ZMIZ1: variants seen among roughly 807,000 people sequenced by gnomAD.
ZMIZ1 encodes the protein zinc finger MIZ-type containing 1, also known as zinc finger MIZ domain-containing protein 1.
A neutral mutation model predicts 113.9 loss-of-function variants in ZMIZ1; 17 were observed. The observed-to-expected ratio is 0.15, with a 90% CI of 0.10 to 0.22. The LOEUF is 0.22. ZMIZ1 is among the 10% of genes least tolerant of loss of function. The pLI is 1.00. For missense variants in ZMIZ1, 1,059 were observed against 1,477.8 expected (o/e 0.72, Z 4.65); for synonymous variants, 607 against 603.1 (o/e 1.01, Z -0.09).
At chr10:79,228,571 C>A (rs922986193) in intron 7 of ZMIZ1, among the ~76,000 whole-genome samples, 3 of 152,270 alleles carry the variant, frequency 2.0e-5, no homozygotes, top group African/African-American at 7.2e-5. Context: ...AAGGCTCAGG[C>A]CAACAGACCC....
chr10:79,290,817 C>A, intron 9 of ZMIZ1, 142 bp from the exon 10 acceptor site: 1 of 942,850 alleles, frequency 1.1e-6, no homozygotes, highest in Non-Finnish European at 1.7e-6. Flanking sequence ...CAGAATAGTT[C>A]ATCCACCCTC....
At chr10:79,190,082 G>A (rs1418176327) in intron 4 of ZMIZ1, among the ~76,000 whole-genome samples, 1 of 152,234 alleles carries the variant, frequency 6.6e-6, no homozygotes, top group Non-Finnish European at 1.5e-5. Context: ...TCCATAGGGA[G>A]CTGTGGGGGC....
intron 3 of ZMIZ1, among the ~76,000 whole-genome samples, chr10:79,153,342 C>T (rs894908801): frequency 6.6e-5 from 10 of 152,212 alleles, no homozygotes; most frequent in Non-Finnish European, 1.0e-4. Context: ...TGGCAGGCAT[C>T]GTTCCTCCTG....
intron 3 of ZMIZ1, among the ~76,000 whole-genome samples, chr10:79,140,173 A>G (rs886367205): frequency 6.6e-6 from 1 of 152,218 alleles, no homozygotes; most frequent in Non-Finnish European, 1.5e-5. Context: ...TACGAGGTCC[A>G]CAGTGCCATG....
At chr10:79,278,640 C>G (rs962394473) in intron 8 of ZMIZ1, among the ~76,000 whole-genome samples, 3 of 151,546 alleles carry the variant, frequency 2.0e-5, no homozygotes, top group Admixed American at 6.6e-5. Context: ...GGTGATGACT[C>G]TTAACGAGCA....
chr10:79,280,240 A>G (rs1270505553), intron 8 of ZMIZ1, among the ~76,000 whole-genome samples: 2 of 151,714 alleles, frequency 1.3e-5, no homozygotes, highest in East Asian at 3.9e-4. Flanking sequence ...CAGCCTCCCA[A>G]AGTACTGGGA....
intron 1 of ZMIZ1, among the ~76,000 whole-genome samples, chr10:79,112,902 TG>T (rs1330889744): frequency 9.8e-5 from 15 of 152,372 alleles, no homozygotes; most frequent in African/African-American, 3.6e-4. Flanking sequence ...TGTTTCCCTG[TG>T]ACAGCAGCTT....
At chr10:79,113,162 C>T (rs1262494059) in intron 1 of ZMIZ1, among the ~76,000 whole-genome samples, 3 of 152,232 alleles carry the variant, frequency 2.0e-5, no homozygotes, top group Non-Finnish European at 4.4e-5. Context: ...GGATGGTCCC[C>T]ATGCAGCGAG....
At chr10:79,311,250 A>C in intron 24 of ZMIZ1, 66 bp downstream of exon 24, 1 of 1,103,186 alleles carries the variant, frequency 9.1e-7, no homozygotes, top group South Asian at 1.9e-5. Flanking sequence ...GCCCGAGAGA[A>C]GGGGTGGGTG....
chr10:79,073,808 G>T (rs1388669142), intron 1 of ZMIZ1, among the ~76,000 whole-genome samples: 2 of 149,442 alleles, frequency 1.3e-5, no homozygotes, highest in Non-Finnish European at 3.0e-5. Flanking sequence ...TGAGAAGGAA[G>T]GGGGTGCGTG....
At chr10:79,114,516 T>TGTGC (rs1843927677) in intron 1 of ZMIZ1, among the ~76,000 whole-genome samples, 1 of 135,780 alleles carries the variant, frequency 7.4e-6, no homozygotes, top group Admixed American at 7.5e-5. Context: ...CGTGTGTGTG[T>TGTGC]GTGTGTGTGT....
intron 4 of ZMIZ1, among the ~76,000 whole-genome samples, chr10:79,174,271 G>T (rs1011871713): frequency 3.3e-5 from 5 of 152,150 alleles, no homozygotes; most frequent in African/African-American, 1.2e-4. Context: ...GGGACACCGG[G>T]GACACACAGC....
intron 7 of ZMIZ1, among the ~76,000 whole-genome samples, chr10:79,268,134 T>C (rs1169393066): frequency 6.6e-6 from 1 of 152,192 alleles, no homozygotes; most frequent in African/African-American, 2.4e-5. Flanking sequence ...CTGGGTGAGA[T>C]GCTGGGAACA....
chr10:79,140,364 G>T (rs1351886555), intron 3 of ZMIZ1, among the ~76,000 whole-genome samples: 1 of 152,160 alleles, frequency 6.6e-6, no homozygotes, highest in African/African-American at 2.4e-5. Flanking sequence ...GGAAGTTAAT[G>T]GTGCCTGCCA....
chr10:79,167,882 A>G (rs1268794738), intron 4 of ZMIZ1, among the ~76,000 whole-genome samples: 2 of 152,148 alleles, frequency 1.3e-5, no homozygotes, highest in African/African-American at 2.4e-5. Flanking sequence ...AGGTGCCCAA[A>G]GGTTGTGTCC....
At position 79,227,555 on chromosome 10, in the gene ZMIZ1, G is replaced by A. The variant is rs183709152; in HGVS notation, c.280+11281G>A. The stretch of plus-strand genomic sequence containing the variant: ...TTTGACAAAAGGGGATTATAATAAT[G>A]CCTACATCATAGGTTTTAAGTGGGT... On this transcript the variant is annotated intron_variant, in intron 7 of 24. Coordinates refer to ENST00000334512, the MANE Select transcript of ZMIZ1 (RefSeq NM_020338.4). Among the ~76,000 whole-genome samples the A allele has an allele frequency of 7.9e-5, 12 of 152,308 alleles. No homozygotes were observed. The East Asian group carries it at 1.7e-3, about 22-fold the overall frequency.
At chr10:79,133,101 C>T (rs1179438105) in intron 2 of ZMIZ1, among the ~76,000 whole-genome samples, 2 of 152,222 alleles carry the variant, frequency 1.3e-5, no homozygotes, top group Admixed American at 1.3e-4. Context: ...CTTAGAATAG[C>T]ATCCAAGACC....
intron 7 of ZMIZ1, among the ~76,000 whole-genome samples, chr10:79,221,235 C>G (rs548589119): frequency 1.3e-5 from 2 of 152,180 alleles, no homozygotes; most frequent in South Asian, 4.1e-4. Context: ...GGCCGTGGTG[C>G]AGGAGCACGT....
intron 7 of ZMIZ1, among the ~76,000 whole-genome samples, chr10:79,246,389 G>T (rs901873075): frequency 6.6e-6 from 1 of 152,234 alleles, no homozygotes; most frequent in Non-Finnish European, 1.5e-5. Flanking sequence ...AGAGTTCTGT[G>T]CTGGCAGAGC....
Sources: gnomAD v4.1 joint callset for allele counts (sites outside exome capture counted in the v4.1 genomes callset) on GRCh38, gnomAD v4.1.1 for gene constraint, MANE v1.5 for transcripts, NCBI Gene and HGNC (gene_info 2026-07-23, HGNC 2026-07-21) for gene names.